The following KHDRBS2 variants were observed in gnomAD, a reference collection of about 807,000 sequenced individuals.
The protein encoded by KHDRBS2 is KH domain-containing, RNA-binding, signal transduction-associated protein 2.
Under a neutral mutation model 44.3 loss-of-function variants are expected in KHDRBS2, and 26 were observed. That is an observed-to-expected ratio of 0.59 (90% CI 0.43 to 0.81). The LOEUF is 0.81. KHDRBS2 is among the 40% of genes least tolerant of loss of function. The pLI is 0.00. For synonymous variants in KHDRBS2, 194 were observed against 151.1 expected (o/e 1.28, Z -2.08); for missense variants, 476 against 433.1 (o/e 1.10, Z -0.88).
intron 6 of KHDRBS2, among the ~76,000 whole-genome samples, chr6:61,779,577 T>A (rs1400123085): frequency 2.0e-5 from 3 of 152,152 alleles, no homozygotes; most frequent in Non-Finnish European, 4.4e-5. Context: ...CTGAGAACAA[T>A]ATTTGATCAG....
At chr6:62,136,993 C>CTTT (rs141092447) in intron 2 of KHDRBS2, among the ~76,000 whole-genome samples, 297 of 78,230 alleles carry the variant, frequency 3.8e-3, no homozygotes, top group African/African-American at 4.8e-3. Flanking sequence ...TCTTTCTTTT[C>CTTT]TTTTTTTTTT....
intron 6 of KHDRBS2, among the ~76,000 whole-genome samples, chr6:61,741,278 A>T (rs113079445): frequency 1.3e-5 from 2 of 151,930 alleles, no homozygotes; most frequent in Admixed American, 6.6e-5. Context: ...AATATGTTAA[A>T]TTACCTCTAG....
At chr6:61,623,640 A>T in the KHDRBS2 span, among the ~76,000 whole-genome samples, 22,351 of 152,186 alleles carry the variant, frequency 0.15, 2,096 homozygotes, top group South Asian at 0.27. Flanking sequence ...ATTAAGCCTG[A>T]GCAGAATAAG....
At chr6:61,634,419 C>T in the KHDRBS2 span, among the ~76,000 whole-genome samples, 2 of 152,020 alleles carry the variant, frequency 1.3e-5, no homozygotes, top group Non-Finnish European at 2.9e-5. Flanking sequence ...AGCATTCTTA[C>T]TGGACTGGGA....
At chr6:61,695,572 C>T (rs1378225974) in intron 8 of KHDRBS2, among the ~76,000 whole-genome samples, 7 of 152,024 alleles carry the variant, frequency 4.6e-5, no homozygotes, top group African/African-American at 7.2e-5. Context: ...TTTCAACCAC[C>T]GATGAGAATA....
intron 6 of KHDRBS2, among the ~76,000 whole-genome samples, chr6:61,818,216 A>G (rs2127247626): frequency 6.6e-6 from 1 of 151,120 alleles, no homozygotes; most frequent in Admixed American, 6.6e-5. Flanking sequence ...TTTAAAAAAG[A>G]CCTTTCAATT....
chr6:61,582,406 A>C, the KHDRBS2 span, among the ~76,000 whole-genome samples: 1 of 145,660 alleles, frequency 6.9e-6, no homozygotes, highest in African/African-American at 2.6e-5. Context: ...GAAAACTATA[A>C]AAATTCCTAA....
chr6:61,554,934 T>C, the KHDRBS2 span, among the ~76,000 whole-genome samples: 2 of 152,104 alleles, frequency 1.3e-5, no homozygotes, highest in Admixed American at 1.3e-4. Context: ...TCTAGCTGCT[T>C]TTAACATTTT....
At chr6:61,574,168 A>G in the KHDRBS2 span, among the ~76,000 whole-genome samples, 1 of 152,100 alleles carries the variant, frequency 6.6e-6, no homozygotes, top group South Asian at 2.1e-4. Flanking sequence ...AGTAAAAGGA[A>G]CTCGGCAAAT....
chr6:61,717,389 C>T (rs188077181), intron 7 of KHDRBS2, among the ~76,000 whole-genome samples: 4 of 152,072 alleles, frequency 2.6e-5, no homozygotes, highest in African/African-American at 4.8e-5. Context: ...GAGCTGAATT[C>T]TCATCCTGTG....
chr6:61,785,803 G>A (rs893047250), intron 6 of KHDRBS2, among the ~76,000 whole-genome samples: 2 of 152,020 alleles, frequency 1.3e-5, no homozygotes, highest in African/African-American at 4.8e-5. Flanking sequence ...GAAAACAAAA[G>A]TATATACATT....
the KHDRBS2 span, among the ~76,000 whole-genome samples, chr6:61,542,914 G>T: frequency 6.6e-6 from 1 of 151,886 alleles, no homozygotes; most frequent in Non-Finnish European, 1.5e-5. Context: ...TAACTCTCAG[G>T]TACGTAAAAG....
chr6:61,627,448 A>T, the KHDRBS2 span, among the ~76,000 whole-genome samples: 1 of 152,122 alleles, frequency 6.6e-6, no homozygotes, highest in African/African-American at 2.4e-5. Flanking sequence ...TGCTGATTAG[A>T]TGAGTACAGA....
intron 1 of KHDRBS2, among the ~76,000 whole-genome samples, chr6:62,275,849 A>G (rs1361364200): frequency 6.6e-6 from 1 of 152,112 alleles, no homozygotes; most frequent in Middle Eastern, 3.2e-3. Context: ...CTACCTTGTA[A>G]TCTTCCTTTT....
chr6:61,965,373 TC>T (rs1769691255), intron 4 of KHDRBS2, among the ~76,000 whole-genome samples: 1 of 152,074 alleles, frequency 6.6e-6, no homozygotes, highest in African/African-American at 2.4e-5. Flanking sequence ...ATATTAGGCA[TC>T]CTGCTCATTC....
intron 1 of KHDRBS2, among the ~76,000 whole-genome samples, chr6:62,199,486 T>C (rs1478146735): frequency 6.6e-6 from 1 of 152,170 alleles, no homozygotes; most frequent in East Asian, 1.9e-4. Context: ...CATTCACAAT[T>C]ACTTCAAAGA....
intron 6 of KHDRBS2, among the ~76,000 whole-genome samples, chr6:61,759,672 A>G (rs1322578414): frequency 6.6e-6 from 1 of 152,208 alleles, no homozygotes; most frequent in Admixed American, 6.5e-5. Flanking sequence ...ACACTAAACT[A>G]TTTGGGAAAA....
At chr6:61,581,572 T>TACA in the KHDRBS2 span, among the ~76,000 whole-genome samples, 1 of 101,558 alleles carries the variant, frequency 9.8e-6, no homozygotes, top group East Asian at 2.5e-4. Context: ...TACAACAATA[T>TACA]ACAATACACA....
At chr6:61,706,119 T>C (rs1370659839) in intron 7 of KHDRBS2, among the ~76,000 whole-genome samples, 1 of 151,796 alleles carries the variant, frequency 6.6e-6, no homozygotes, top group Middle Eastern at 3.2e-3. Flanking sequence ...CCTCCTAACC[T>C]GCAATCCTCA....
Sources: gnomAD v4.1 joint callset for allele counts (sites outside exome capture counted in the v4.1 genomes callset) on GRCh38, gnomAD v4.1.1 for gene constraint, MANE v1.5 for transcripts, NCBI Gene and HGNC (gene_info 2026-07-23, HGNC 2026-07-21) for gene names.